Variants in RGS6 observed in about 807,000 individuals in gnomAD.
RGS6 encodes the protein regulator of G protein signaling 6.
A neutral mutation model predicts 78.5 loss-of-function variants in RGS6; 30 were observed. The observed-to-expected ratio is 0.38, with a 90% CI of 0.29 to 0.52. The LOEUF is 0.52. RGS6 is among the 20% of genes least tolerant of loss of function. RGS6 has a pLI of 0.85. For missense variants in RGS6, 495 were observed against 609.7 expected, an observed-to-expected ratio of 0.81 and a Z score of 1.98; for synonymous variants, 206 against 206.0, an observed-to-expected ratio of 1.00 and a Z score of 0.00.
chr14:71,943,640 G>C lies in RGS6; in HGVS notation c.-21+10699G>C, dbSNP rs376742251. Among the ~76,000 whole-genome samples, 15 of 152,302 alleles carry C rather than the reference G, an allele frequency of 9.8e-5. 1 individual carries two copies. The East Asian group carries it at 2.5e-3, about 25-fold the overall frequency. ...CTCTGTGGTAGCCAAAGATGCCTCT[G>C]TTTCCTGGAGGCGAAAGGCCATTAA... On this transcript the variant is annotated intron_variant, in intron 1 of 17. Coordinates refer to ENST00000553525, the MANE Select transcript of RGS6 (RefSeq NM_001204424.2).
chr14:72,008,620 G>A (rs1051928293), intron 2 of RGS6, among the ~76,000 whole-genome samples: 2 of 152,156 alleles, frequency 1.3e-5, no homozygotes, highest in African/African-American at 4.8e-5. Flanking sequence ...TTTTGGTCCT[G>A]CTCTAATCCC....
intron 8 of RGS6, 106 bp from the exon 9 acceptor site, chr14:72,472,765 CT>C: frequency 1.3e-6 from 1 of 755,734 alleles, no homozygotes; most frequent in Admixed American, 2.3e-5. Flanking sequence ...TACCAATGGC[CT>C]TGTGTTCACT....
intron 2 of RGS6, among the ~76,000 whole-genome samples, chr14:72,193,496 G>A (rs1479747430): frequency 6.6e-6 from 1 of 152,204 alleles, no homozygotes; most frequent in East Asian, 1.9e-4. Flanking sequence ...CCCAGTGTGT[G>A]CCGGGTACTT....
intron 2 of RGS6, among the ~76,000 whole-genome samples, chr14:72,235,561 T>C (rs556710235): frequency 1.3e-5 from 2 of 152,360 alleles, no homozygotes; most frequent in South Asian, 4.1e-4. Context: ...ATTATATCCA[T>C]CTACAATGTC....
intron 2 of RGS6, among the ~76,000 whole-genome samples, chr14:72,061,384 G>T (rs947916130): frequency 2.0e-5 from 3 of 152,144 alleles, no homozygotes; most frequent in Non-Finnish European, 4.4e-5. Flanking sequence ...TCAGAGAAGT[G>T]TCCTTACACT....
At chr14:72,053,108 CCTTCCTTCCTTCCTTCCTTCCTTT>C (rs2093425522) in intron 2 of RGS6, among the ~76,000 whole-genome samples, 1 of 80,648 alleles carries the variant, frequency 1.2e-5, no homozygotes. Flanking sequence ...TTCCTTCCTT[CCTTCCTTCCTTCCTTCCTTCCTTT>C]CTTTTTTTGA....
At chr14:72,300,653 G>C (rs1409082130) in intron 2 of RGS6, among the ~76,000 whole-genome samples, 2 of 152,236 alleles carry the variant, frequency 1.3e-5, no homozygotes, top group Non-Finnish European at 2.9e-5. Flanking sequence ...AATTGTCAGT[G>C]AAGGGGGTGG....
intron 17 of RGS6, among the ~76,000 whole-genome samples, chr14:72,556,399 A>G (rs2097575576): frequency 1.3e-5 from 2 of 152,106 alleles, no homozygotes; most frequent in Admixed American, 1.3e-4. Flanking sequence ...CCATGATCCA[A>G]TCACCTCCCA....
intron 2 of RGS6, among the ~76,000 whole-genome samples, chr14:72,105,787 C>T (rs1268868049): frequency 1.3e-5 from 2 of 152,114 alleles, no homozygotes. Context: ...CTAAATAGTT[C>T]CATAGCAGTC....
intron 2 of RGS6, among the ~76,000 whole-genome samples, chr14:72,320,554 G>T (rs1017913074): frequency 6.6e-6 from 1 of 151,396 alleles, no homozygotes; most frequent in Non-Finnish European, 1.5e-5. Flanking sequence ...CTCCAGCCTG[G>T]GCAATAGAGC....
At position 72,011,501 on chromosome 14, in the gene RGS6, A is replaced by G. The variant is rs889533397; in HGVS notation, c.84+46626A>G. On this transcript the variant is annotated intron_variant, in intron 2 of 17. Coordinates refer to ENST00000553525, the MANE Select transcript of RGS6 (RefSeq NM_001204424.2). ...GTTCTATGAGTGGAATACAGCTTTG[A>G]AGGCAATTCCAGAGATCCAACAAAA... Among the ~76,000 whole-genome samples the G allele has an allele frequency of 4.0e-4, 61 of 152,284 alleles. 2 individuals carry two copies. The highest frequency in any genetic ancestry group is 3.4e-3 in the Middle Eastern group (1 of 294).
intron 2 of RGS6, among the ~76,000 whole-genome samples, chr14:72,254,511 C>T (rs1428800459): frequency 6.6e-6 from 1 of 152,188 alleles, no homozygotes; most frequent in South Asian, 2.1e-4. Flanking sequence ...CTGTTCTTCT[C>T]CTAGGTCTGG....
intron 17 of RGS6, among the ~76,000 whole-genome samples, chr14:72,545,067 T>C (rs961200261): frequency 1.3e-5 from 2 of 152,238 alleles, no homozygotes; most frequent in African/African-American, 4.8e-5. Context: ...ATACCTAGAC[T>C]CAGCAGAATC....
chr14:72,551,130 G>A (rs1171140681), intron 17 of RGS6, among the ~76,000 whole-genome samples: 2 of 151,966 alleles, frequency 1.3e-5, no homozygotes, highest in East Asian at 1.9e-4. Context: ...GTGAGCCACC[G>A]TGCCCAGCTC....
At chr14:72,039,813 A>ATTTTTTTTTTTTTTTTTT (rs3053082) in intron 2 of RGS6, among the ~76,000 whole-genome samples, 1 of 68,922 alleles carries the variant, frequency 1.5e-5, no homozygotes, top group Non-Finnish European at 2.7e-5. Context: ...TGTTTCATTG[A>ATTTTTTTTTTTTTTTTTT]TTTTTTTTTT....
At chr14:71,919,459 GGTGT>G in the RGS6 span, among the ~76,000 whole-genome samples, 2 of 149,912 alleles carry the variant, frequency 1.3e-5, no homozygotes. Flanking sequence ...CAAGATATAG[GGTGT>G]GTGTGTGTGT....
chr14:72,430,659 G>A (rs1222983632), intron 3 of RGS6, among the ~76,000 whole-genome samples: 1 of 152,168 alleles, frequency 6.6e-6, no homozygotes, highest in African/African-American at 2.4e-5. Flanking sequence ...CCTGGCACCT[G>A]CAGGCTTTTG....
chr14:72,047,055 G>A (rs1034481423), intron 2 of RGS6, among the ~76,000 whole-genome samples: 2 of 152,174 alleles, frequency 1.3e-5, no homozygotes, highest in Non-Finnish European at 2.9e-5. Flanking sequence ...TTTCTTTATA[G>A]TAGATGCTTC....
rs532912422 is a variant in RGS6, at chr14:72,409,101, A to T, written c.185-45427A>T. Among the ~76,000 whole-genome samples, 37 of 152,354 alleles carry T rather than the reference A, an allele frequency of 2.4e-4. 1 individual carries two copies. In the South Asian group the frequency reaches 7.2e-3, roughly 30 times the overall value. On this transcript the variant is annotated intron_variant, in intron 3 of 17. Transcript: ENST00000553525. ...CATAATAAAAACAGAGATTCCAGTGAGGGGTCCCTCTTGTTCAGAGTCGAA... is the reference window on the plus strand; with the variant it reads ...CATAATAAAAACAGAGATTCCAGTGTGGGGTCCCTCTTGTTCAGAGTCGAA...
Sources: gnomAD v4.1 joint callset for allele counts (sites outside exome capture counted in the v4.1 genomes callset) on GRCh38, gnomAD v4.1.1 for gene constraint, MANE v1.5 for transcripts, NCBI Gene and HGNC (gene_info 2026-07-23, HGNC 2026-07-21) for gene names.